The following TET2 variants were observed in gnomAD, a reference collection of about 807,000 sequenced individuals.
TET2 encodes tet methylcytosine dioxygenase 2.
TET2 carries 299 observed loss-of-function variants against 142.9 expected under a neutral mutation model. That is an observed-to-expected ratio of 2.09 (90% CI 1.90 to 2.30). TET2 has a LOEUF of 2.30. TET2 is among the 30% of genes most tolerant of loss of function. TET2 has a pLI of 0.00. For synonymous variants in TET2, 819 were observed against 849.0 expected, an observed-to-expected ratio of 0.96 and a Z score of 0.61; for missense variants, 2,418 against 2,378.0, an observed-to-expected ratio of 1.02 and a Z score of -0.35.
Position 105,243,755 on chromosome 4 carries a change from TC to T in TET2, c.3781del (p.Arg1261AlafsTer5). ...TLRKYGTLTN[R>X]RCALNEERTC... Reference sequence around the variant, plus strand: ...TGAGGAAATACGGCACGCTCACCAATCGCCGGTGTGCCTTGAATGAAGAGTA... The same window carrying T: ...TGAGGAAATACGGCACGCTCACCAATGCCGGTGTGCCTTGAATGAAGAGTA... On this transcript the variant is annotated frameshift_variant, in exon 6 of 11. Transcript: ENST00000380013. LOFTEE classifies it high-confidence loss of function. The T allele has an allele frequency of 6.4e-7, 1 of 1,551,414 alleles. No individual in the cohort carries two copies. Among genetic ancestry groups the T allele is most frequent in the Non-Finnish European group, 8.7e-7 (1 of 1,146,892 alleles).
intron 1 of TET2, among the ~76,000 whole-genome samples, chr4:105,180,906 T>C (rs1725083770): frequency 6.6e-6 from 1 of 152,204 alleles, no homozygotes; most frequent in East Asian, 1.9e-4. Context: ...CCCAAAGTGC[T>C]GGAATTACAG....
chr4:105,242,080 G>A (rs1031576581), intron 4 of TET2: 7 of 1,215,830 alleles, frequency 5.8e-6, no homozygotes, highest in African/African-American at 1.6e-5. Context: ...CTTCTTCTAG[G>A]GTGCCTTTTC....
In TET2 at chr4:105,203,989, T is replaced by G. The variant is rs192892575; in HGVS notation, c.-47+13484T>G. ...GCCAAGGCGGGTAGATTACCTGAGG[T>G]CAGGAGTTTGAGACCAGCCTAGCCA... On this transcript the variant is annotated intron_variant, in intron 2 of 10. Coordinates refer to ENST00000380013, the MANE Select transcript of TET2 (RefSeq NM_001127208.3). Among the ~76,000 whole-genome samples the G allele has an allele frequency of 3.1e-3, 469 of 152,028 alleles. 6 individuals carry two copies. The highest frequency in any genetic ancestry group is 0.026 in the Admixed American group (400 of 15,266).
chr4:105,174,447 A>C (rs1724663359), intron 1 of TET2, among the ~76,000 whole-genome samples: 1 of 152,248 alleles, frequency 6.6e-6, no homozygotes, highest in South Asian at 2.1e-4. Flanking sequence ...GAATTGGAAA[A>C]TTAACGAATC....
intron 1 of TET2, among the ~76,000 whole-genome samples, chr4:105,152,740 G>T (rs985513256): frequency 6.6e-6 from 1 of 151,808 alleles, no homozygotes; most frequent in Non-Finnish European, 1.5e-5. Context: ...GGGACTAGGA[G>T]CGTGCCCCAC....
At chr4:105,217,739 A>T (rs1347745460) in intron 2 of TET2, among the ~76,000 whole-genome samples, 1 of 152,064 alleles carries the variant, frequency 6.6e-6, no homozygotes, top group Non-Finnish European at 1.5e-5. Flanking sequence ...ATTACACGTT[A>T]ATATCCCAAA....
At chr4:105,270,498 A>G (rs1019689947) in intron 9 of TET2, among the ~76,000 whole-genome samples, 1 of 152,156 alleles carries the variant, frequency 6.6e-6, no homozygotes, top group Non-Finnish European at 1.5e-5. Context: ...AGAGAGAAGC[A>G]TATTCACCTT....
At chr4:105,244,101 A>G (rs543897806) in intron 6 of TET2, among the ~76,000 whole-genome samples, 4 of 152,330 alleles carry the variant, frequency 2.6e-5, no homozygotes, top group African/African-American at 4.8e-5. Context: ...CCTGGCCACT[A>G]TATTAGTATG....
Position 105,272,874 on chromosome 4 carries a change from G to A in TET2, c.4493G>A (p.Arg1498His), listed in dbSNP as rs777027345. 17 of 1,545,382 alleles carry A rather than the reference G, an allele frequency of 1.1e-5. No homozygotes were observed. Among genetic ancestry groups the A allele is most frequent in the African/African-American group, 5.5e-5 (4 of 72,312 alleles). Residue 1498 changes from arginine (R) to histidine (H), a missense_variant, in exon 10 of 11, where the codon CGT (arginine) becomes CAT (histidine). Physicochemically the swap from Arg to His is conservative, Grantham distance 29. Transcript: ENST00000380013. ...GAAAAGGAAAAGTCAGCCCCATCAC[G>A]TACAAAACAAACTGAAAACGCAAGC... ...KNEKEKSAPS[R>H]TKQTENASQA...
At chr4:105,174,350 A>G (rs1724654397) in intron 1 of TET2, among the ~76,000 whole-genome samples, 1 of 152,204 alleles carries the variant, frequency 6.6e-6, no homozygotes, top group Non-Finnish European at 1.5e-5. Flanking sequence ...GAAGATCGAT[A>G]TTTTTCTGGG....
In TET2 at chr4:105,240,496, G is replaced by C. The variant is rs188521704; in HGVS notation, c.3410-843G>C. On this transcript the variant is annotated intron_variant, in intron 3 of 10. Coordinates refer to ENST00000380013, the MANE Select transcript of TET2 (RefSeq NM_001127208.3). ...ATTTGAAAAGACAAATGTTAAATTAGTGTGGCTAATGACCTACCCGTGCCA... is the reference window on the plus strand; with the variant it reads ...ATTTGAAAAGACAAATGTTAAATTACTGTGGCTAATGACCTACCCGTGCCA... 19 of 1,077,564 alleles carry C rather than the reference G, an allele frequency of 1.8e-5. No individual in the cohort carries two copies. The East Asian group carries it at 7.1e-4, about 40-fold the overall frequency. 66.8% of individuals were successfully genotyped at this position (1,077,564 alleles called of 1,614,324 possible). A position where few individuals can be genotyped will look rare whatever the true frequency, so the allele number is the denominator to read the frequency against.
intron 6 of TET2, among the ~76,000 whole-genome samples, chr4:105,259,251 G>A (rs1268411066): frequency 6.6e-6 from 1 of 152,050 alleles, no homozygotes; most frequent in Non-Finnish European, 1.5e-5. Context: ...CATAAAAATA[G>A]GCAGAACTAC....
Position 105,236,514 on chromosome 4 carries a change from A to G in TET2, c.2572A>G (p.Lys858Glu), listed in dbSNP as rs760404462. 1.4e-5 allele frequency: 22 copies of G among 1,614,176 alleles called. No homozygotes were observed. Among genetic ancestry groups the G allele is most frequent in the Non-Finnish European group, 1.5e-5 (18 of 1,180,018 alleles). The stretch of plus-strand genomic sequence containing the variant: ...ACATCCTGAACTTTTTGCAGGAAAC[A>G]AGACCCAAAACTTGCATCACATGCA... ...TTHPELFAGN[K>E]TQNLHHMQYF... The change falls in exon 3 of 11, where the codon AAG becomes GAG. Residue 858 changes from lysine to glutamate, a missense_variant. Physicochemically the swap from Lys to Glu is moderately conservative, Grantham distance 56. Transcript: ENST00000380013.
intron 2 of TET2, among the ~76,000 whole-genome samples, chr4:105,209,135 A>G (rs1440659776): frequency 7.1e-6 from 1 of 141,420 alleles, no homozygotes; most frequent in East Asian, 2.1e-4. Flanking sequence ...AACTGAATAC[A>G]CTGGTATAAA....
chr4:105,241,797 A>C (rs1319875909), intron 4 of TET2: 11 of 1,250,448 alleles, frequency 8.8e-6, no homozygotes, highest in African/African-American at 1.6e-5. Flanking sequence ...AGACTGGTAA[A>C]GTGTGGTATA....
In TET2 at chr4:105,234,310, G is replaced by T. The variant is rs773565437; in HGVS notation, c.368G>T (p.Arg123Leu). 2 of 1,614,092 alleles carry T rather than the reference G, an allele frequency of 1.2e-6. No individual in the cohort carries two copies. The highest frequency in any genetic ancestry group is 1.7e-6 in the Non-Finnish European group (2 of 1,180,008). The change falls in exon 3 of 11, where the codon CGT becomes CTT. Residue 123 changes from arginine to leucine, a missense_variant. Arg to Leu is a moderately radical substitution (Grantham distance 102). Coordinates refer to ENST00000380013, the MANE Select transcript of TET2 (RefSeq NM_001127208.3). ...KQDQKANGER[R>L]NFGVSQERNP... The stretch of plus-strand genomic sequence containing the variant: ...GACCAAAAGGCTAATGGAGAAAGAC[G>T]TAACTTCGGGGTAAGCCAAGAAAGA...
chr4:105,219,161 T>C (rs17035354), intron 2 of TET2, among the ~76,000 whole-genome samples: 7,268 of 152,196 alleles, frequency 0.048, 565 homozygotes, highest in African/African-American at 0.16. Context: ...AGCTCATGGA[T>C]GTGCAGTTGG....
At position 105,275,902 on chromosome 4, in the gene TET2, T is replaced by C; in HGVS notation, c.5392T>C (p.Ser1798Pro). The C allele has an allele frequency of 1.3e-6, 2 of 1,552,068 alleles. No individual in the cohort carries two copies. The highest frequency in any genetic ancestry group is 1.7e-6 in the Non-Finnish European group (2 of 1,147,050). Reference protein sequence around the residue: ...DMLSHTANGLSKMLPALNHDR... With the variant: ...DMLSHTANGLPKMLPALNHDR... ...GCTTTCCCACACAGCTAATGGGTTA[T>C]CAAAGATGCTTCCAGCTCTTAACCA... Residue 1798 changes from serine (S) to proline (P), a missense_variant, in exon 11 of 11, where the codon TCA becomes CCA. Ser to Pro is a moderately conservative substitution (Grantham distance 74). Coordinates refer to ENST00000380013, the MANE Select transcript of TET2 (RefSeq NM_001127208.3).
At chr4:105,260,043 T>A (rs1730345839) in intron 7 of TET2, among the ~76,000 whole-genome samples, 1 of 152,104 alleles carries the variant, frequency 6.6e-6, no homozygotes, top group South Asian at 2.1e-4. Flanking sequence ...AAATGAGAAT[T>A]GGTGATGTTT....
Sources: allele counts gnomAD v4.1 joint callset (sites outside exome capture counted in the v4.1 genomes callset), GRCh38; gene constraint gnomAD v4.1.1; transcripts MANE v1.5; gene names NCBI Gene and HGNC (gene_info 2026-07-23, HGNC 2026-07-21).